Variants in ZNF8 observed in about 807,000 individuals in gnomAD.
The protein encoded by ZNF8 is zinc finger protein 8.
A neutral mutation model predicts 12.2 loss-of-function variants in ZNF8; 9 were observed. The ratio of observed to expected loss-of-function variants is 0.73; its 90% CI spans 0.44 to 1.28. The LOEUF is 1.28. Ranked by LOEUF, ZNF8 falls within the 50% of genes most tolerant of loss-of-function variation. The pLI is 0.00. For missense variants in ZNF8, 664 were observed against 729.1 expected, an observed-to-expected ratio of 0.91 and a Z score of 1.03; for synonymous variants, 274 against 282.3, an observed-to-expected ratio of 0.97 and a Z score of 0.30.
rs1308433358 is a variant in ZNF8 at position 58,299,276 on chromosome 19, C to G, written c.*3740C>G. ...TACAGGCGCCCGCCACCACGCCCGG[C>G]AAATTTTTTGCGTTTTTAGTAGAGA... On this transcript the variant is annotated 3_prime_UTR_variant, in exon 4 of 4. Coordinates refer to ENST00000621650, the MANE Select transcript of ZNF8 (RefSeq NM_021089.3). 4 of 151,718 alleles carry G rather than the reference C, an allele frequency of 2.6e-5. No homozygotes were observed. Among genetic ancestry groups the G allele is most frequent in the African/African-American group, 7.3e-5 (3 of 41,324 alleles). The allele number at this position is 151,718 out of a possible 1,614,324, so 9.4% of individuals were successfully genotyped here. A position where few individuals can be genotyped will look rare whatever the true frequency, so the allele number is the denominator to read the frequency against.
chr19:58,288,108 C>T (rs2051396064), intron 3 of ZNF8, among the ~76,000 whole-genome samples: 1 of 151,282 alleles, frequency 6.6e-6, no homozygotes, highest in African/African-American at 2.4e-5. Context: ...AGTCCTCCTG[C>T]CTCAGCCACT....
chr19:58,296,074 C>G lies in ZNF8; in HGVS notation c.*538C>G, dbSNP rs1358685624. 1 of 153,060 alleles carries G rather than the reference C, an allele frequency of 6.5e-6. No homozygotes were observed. The highest frequency in any genetic ancestry group is 1.5e-5 in the Non-Finnish European group (1 of 68,680). 9.5% of individuals were successfully genotyped at this position (153,060 alleles called of 1,614,324 possible). A position where few individuals can be genotyped will look rare whatever the true frequency, so the allele number is the denominator to read the frequency against. ...GACTAACTCTTGGAAAAGTTTTTAA[C>G]AACATAATATGCTATTGCATTTCTG... On this transcript the variant is annotated 3_prime_UTR_variant, in exon 4 of 4. Transcript: ENST00000621650.
intron 3 of ZNF8, among the ~76,000 whole-genome samples, chr19:58,291,436 C>T (rs1244893079): frequency 1.3e-5 from 2 of 152,200 alleles, no homozygotes; most frequent in African/African-American, 2.4e-5. Flanking sequence ...CCCCCTCCTC[C>T]GGATGTTCTT....
At position 58,295,382 on chromosome 19, in the gene ZNF8, C is replaced by T. The variant is rs1472353352; in HGVS notation, c.1574C>T (p.Ala525Val). ...CACCCGAACTCCAGAAAGAGCTCTGCAGGCGGAGCAAAGGCAGGGCAGCCG... is the reference window on the plus strand; with the variant it reads ...CACCCGAACTCCAGAAAGAGCTCTGTAGGCGGAGCAAAGGCAGGGCAGCCG... ...HQHPNSRKSS[A>V]GGAKAGQPES... Residue 525 changes from alanine (A) to valine (V), a missense_variant, in exon 4 of 4, where the codon GCA becomes GTA. Ala to Val is a moderately conservative substitution (Grantham distance 64, BLOSUM62 0). Coordinates refer to ENST00000621650, the MANE Select transcript of ZNF8 (RefSeq NM_021089.3). 1.2e-6 allele frequency: 2 copies of T among 1,614,038 alleles called. No homozygotes were observed. Among genetic ancestry groups the T allele is most frequent in the African/African-American group, 2.7e-5 (2 of 74,942 alleles).
intron 3 of ZNF8, among the ~76,000 whole-genome samples, chr19:58,292,199 C>T (rs2051423701): frequency 6.6e-6 from 1 of 152,178 alleles, no homozygotes; most frequent in Admixed American, 6.5e-5. Context: ...TATCTAACTC[C>T]AGAACATTTC....
chr19:58,279,518 T>C (rs2051332259), intron 1 of ZNF8: 2 of 1,497,044 alleles, frequency 1.3e-6, no homozygotes, highest in Admixed American at 2.1e-5. Flanking sequence ...ATTGTAGCGT[T>C]GGCCGGGTGC....
rs1568528972 is a variant in ZNF8 at position 58,297,604 on chromosome 19, T to A, written c.*2068T>A. On this transcript the variant is annotated 3_prime_UTR_variant, in exon 4 of 4. Transcript: ENST00000621650. ...TTTTTTATTTTTTGCAGAGACAGGG[T>A]CTCACTGTGTTGCCTAGGCTGGTCT... 6.6e-6 allele frequency: 1 copy of A among 152,110 alleles called. No individual in the cohort carries two copies. Among genetic ancestry groups the A allele is most frequent in the Admixed American group, 6.5e-5 (1 of 15,268 alleles). 9.4% of individuals were successfully genotyped at this position (152,110 alleles called of 1,614,324 possible). A position where few individuals can be genotyped will look rare whatever the true frequency, so the allele number is the denominator to read the frequency against.
In ZNF8 at chr19:58,294,376, C is replaced by A. The variant is rs144400255; in HGVS notation, c.568C>A (p.Pro190Thr). The change falls in exon 4 of 4, where the codon CCA (proline) becomes ACA (threonine). Residue 190 changes from proline (P) to threonine (T), a missense_variant. By Grantham distance (38) the Pro-to-Thr change is conservative. Transcript: ENST00000621650. This position sits in a 1 kb window ranked among gnomAD's most constrained non-coding sequence, Gnocchi z 5.5. ...CTGCGTCCTGAGTTCAAGCCCAAAT[C>A]CATTCCCAGAGATCTCTAGAGGGGA... ...ENCVLSSSPN[P>T]FPEISRGEYL... 6.2e-4 allele frequency: 1,004 copies of A among 1,614,122 alleles called. 6 individuals are homozygous for A. The African/African-American group carries it at 0.011, about 18-fold the overall frequency.
intron 1 of ZNF8, 177 bp downstream of exon 1, chr19:58,279,324 C>A: frequency 6.7e-7 from 1 of 1,486,912 alleles, no homozygotes; most frequent in Non-Finnish European, 8.9e-7. Context: ...AGAGAGGGGG[C>A]CGGGATTCCA....
intron 3 of ZNF8, among the ~76,000 whole-genome samples, chr19:58,293,351 G>T (rs562223710): frequency 6.6e-6 from 1 of 152,084 alleles, no homozygotes; most frequent in African/African-American, 2.4e-5. Flanking sequence ...TCATTCCCTC[G>T]ATACGTTCCT....
chr19:58,286,043 T>C, intron 2 of ZNF8, 67 bp from the exon 3 acceptor site: 1 of 1,541,172 alleles, frequency 6.5e-7, no homozygotes, highest in Admixed American at 1.8e-5. Context: ...GAGTCTGGTC[T>C]GGAGCCTGGG....
chr19:58,282,338 T>G (rs2051355531), intron 1 of ZNF8, among the ~76,000 whole-genome samples: 1 of 152,194 alleles, frequency 6.6e-6, no homozygotes, highest in Non-Finnish European at 1.5e-5. Context: ...TGGGTTGTCT[T>G]TTTATTACTG....
rs145443903 is a variant in ZNF8, at chr19:58,295,193, G to A, written c.1385G>A (p.Arg462Gln). Reference protein sequence around the residue: ...PPLSQDERTHRSDRPFKCNQC... With the variant: ...PPLSQDERTHQSDRPFKCNQC... ...TTGAGTCAAGATGAGAGGACTCACC[G>A]AAGCGACAGACCCTTCAAATGTAAT... Residue 462 changes from arginine to glutamine, a missense_variant, in exon 4 of 4, where the codon CGA becomes CAA. Arg to Gln is a conservative substitution (Grantham distance 43). Coordinates refer to ENST00000621650, the MANE Select transcript of ZNF8 (RefSeq NM_021089.3). 95 of 1,614,140 alleles carry A rather than the reference G, an allele frequency of 5.9e-5. No homozygotes were observed. Among genetic ancestry groups the A allele is most frequent in the East Asian group, 6.7e-5 (3 of 44,890 alleles).
At chr19:58,284,317 A>G (rs372756975) in intron 1 of ZNF8, among the ~76,000 whole-genome samples, 34 of 152,336 alleles carry the variant, frequency 2.2e-4, no homozygotes, top group African/African-American at 8.2e-4. Context: ...ACTCTTTTCC[A>G]TGTGGCTATC....
chr19:58,294,576 C>A lies in ZNF8; in HGVS notation c.768C>A (p.Pro256=). ...ELTKSQVQDK[P]YKCTDCGKSF... Reference sequence around the variant, plus strand: ...CAAAAAGCCAGGTGCAGGACAAACCCTACAAATGTACTGACTGTGGGAAGT... The same window carrying A: ...CAAAAAGCCAGGTGCAGGACAAACCATACAAATGTACTGACTGTGGGAAGT... The change falls in exon 4 of 4, where the codon CCC becomes CCA. Residue 256 remains proline, a synonymous_variant. Transcript: ENST00000621650. This position sits in a 1 kb window ranked among gnomAD's most constrained non-coding sequence, Gnocchi z 5.5. The A allele has an allele frequency of 6.2e-7, 1 of 1,614,132 alleles. No individual in the cohort carries two copies. The highest frequency in any genetic ancestry group is 8.5e-7 in the Non-Finnish European group (1 of 1,180,042).
In ZNF8 at chr19:58,291,874, G is replaced by A. The variant is rs916032633; in HGVS notation, c.290-2224G>A. Among the ~76,000 whole-genome samples the A allele has an allele frequency of 3.9e-5, 6 of 152,120 alleles. 1 individual carries two copies. The highest frequency in any genetic ancestry group is 1.3e-4 in the Admixed American group (2 of 15,272). Reference sequence around the variant, plus strand: ...GGAGCAGCAGGTGCAAAGGGCCCCAGGAAGGAGTATGGGGGATGCATTAGA... The same window carrying A: ...GGAGCAGCAGGTGCAAAGGGCCCCAAGAAGGAGTATGGGGGATGCATTAGA... On this transcript the variant is annotated intron_variant, in intron 3 of 3. Transcript: ENST00000621650.
At chr19:58,287,648 T>TTC in intron 3 of ZNF8, among the ~76,000 whole-genome samples, 1 of 139,480 alleles carries the variant, frequency 7.2e-6, no homozygotes, top group East Asian at 2.0e-4. Context: ...CTTTTTTTTT[T>TTC]TTTTTTTTTT....
chr19:58,279,746 C>T lies in ZNF8; in HGVS notation c.66+599C>T, dbSNP rs749503937. On this transcript the variant is annotated intron_variant, in intron 1 of 3. Transcript: ENST00000621650. ...TGCAGTGCAGGGCGGTCAGTGTTTG[C>T]AGGGCCATCTGGCCATCAGAGCTCC... is the stretch of plus-strand genomic sequence containing the variant. The T allele has an allele frequency of 2.0e-6, 3 of 1,508,676 alleles. No homozygotes were observed. In the South Asian group the frequency reaches 3.6e-5, roughly 18 times the overall value. The allele number at this position is 1,508,676 out of a possible 1,614,324, so 93.5% of individuals were successfully genotyped here.
At chr19:58,284,710 G>C (rs2051372266) in intron 1 of ZNF8, among the ~76,000 whole-genome samples, 1 of 152,102 alleles carries the variant, frequency 6.6e-6, no homozygotes, top group African/African-American at 2.4e-5. Context: ...TTAGCCGGGC[G>C]TGGTGGTGCG....
Sources: gnomAD v4.1 joint callset for allele counts (sites outside exome capture counted in the v4.1 genomes callset) on GRCh38, gnomAD v4.1.1 for gene constraint, Gnocchi (gnomAD v3.1) non-coding constraint, MANE v1.5 for transcripts, NCBI Gene and HGNC (gene_info 2026-07-23, HGNC 2026-07-21) for gene names.